The following SMARCA2 variants were observed in gnomAD, a reference collection of about 807,000 sequenced individuals.
The protein encoded by SMARCA2 is SWI/SNF-related matrix-associated actin-dependent regulator of chromatin subfamily A member 2.
Under a neutral mutation model 199.8 loss-of-function variants are expected in SMARCA2, and 61 were observed. The ratio of observed to expected loss-of-function variants is 0.31; its 90% CI spans 0.25 to 0.38. The LOEUF is 0.38. Ranked by LOEUF, SMARCA2 falls within the 10% of genes least tolerant of loss-of-function variation. The pLI, the probability that SMARCA2 is intolerant of heterozygous loss-of-function variation, is 1.00. For missense variants in SMARCA2, 1,344 were observed against 2,012.2 expected, an observed-to-expected ratio of 0.67 and a Z score of 6.35; for synonymous variants, 935 against 732.0, an observed-to-expected ratio of 1.28 and a Z score of -4.48.
intron 19 of SMARCA2, 85 bp from the exon 20 acceptor site, chr9:2,096,572 A>T: frequency 1.2e-6 from 1 of 821,122 alleles, no homozygotes; most frequent in Non-Finnish European, 2.1e-6. Context: ...TTGTGCTTCC[A>T]GGAGTGACAC....
intron 32 of SMARCA2, among the ~76,000 whole-genome samples, chr9:2,186,855 A>C (rs1326423445): frequency 9.3e-6 from 1 of 107,256 alleles, no homozygotes; most frequent in Non-Finnish European, 2.3e-5. Flanking sequence ...TTGCCTTTGA[A>C]TATTAGCCTA....
chr9:2,192,569 T>A, intron 33 of SMARCA2, 135 bp from the exon 34 acceptor site: 3 of 734,428 alleles, frequency 4.1e-6, no homozygotes, highest in Non-Finnish European at 7.5e-6. Flanking sequence ...GTTTCTGTCC[T>A]CCCACGGAAA....
At position 2,086,761 on chromosome 9, in the gene SMARCA2, C is replaced by T. The variant is rs948392651; in HGVS notation, c.2527-68C>T. The T allele has an allele frequency of 1.9e-6, 3 of 1,580,394 alleles. No individual in the cohort carries two copies. Among genetic ancestry groups the T allele is most frequent in the Admixed American group, 1.7e-5 (1 of 59,316 alleles). ...GGTTCTTTGGTTTTCCGCACCACCA[C>T]TTGCTTGTTGGAAATAGTTGTATTT... On this transcript the variant is annotated intron_variant, in intron 17 of 33. Coordinates refer to ENST00000349721, the MANE Select transcript of SMARCA2 (RefSeq NM_003070.5). The surrounding 1 kb of genome is among the most constrained non-coding windows in gnomAD (Gnocchi z 4.3).
chr9:2,192,765 G>C lies in SMARCA2; in HGVS notation c.*26G>C, dbSNP rs377168669. 2 of 1,565,658 alleles carry C rather than the reference G, an allele frequency of 1.3e-6. No individual in the cohort carries two copies. The highest frequency in any genetic ancestry group is 1.8e-6 in the Non-Finnish European group (2 of 1,136,104). ...TCAGTATGGACCTTTTTCCTTGGTA[G>C]AACTGAATTCCTTCCTCCCCTGTCT... On this transcript the variant is annotated 3_prime_UTR_variant, in exon 34 of 34. Transcript: ENST00000349721.
rs958237839 is a variant in SMARCA2 at position 2,056,443 on chromosome 9, G to A, written c.1174-229G>A. On this transcript the variant is annotated intron_variant, in intron 6 of 33. Coordinates refer to ENST00000349721, the MANE Select transcript of SMARCA2 (RefSeq NM_003070.5). This position sits in a 1 kb window ranked among gnomAD's most constrained non-coding sequence, Gnocchi z 4.0. The stretch of plus-strand genomic sequence containing the variant: ...CTTTTACTGTTACAGTACTATAATT[G>A]CTTTTGATTTGAATTATTTGGGGAG... Among the ~76,000 whole-genome samples the A allele has an allele frequency of 6.6e-6, 1 of 152,130 alleles. No individual in the cohort carries two copies. Among genetic ancestry groups the A allele is most frequent in the African/African-American group, 2.4e-5 (1 of 41,428 alleles).
At chr9:2,059,236 A>G (rs1820481386) in intron 8 of SMARCA2, among the ~76,000 whole-genome samples, 1 of 152,246 alleles carries the variant, frequency 6.6e-6, no homozygotes, top group South Asian at 2.1e-4. Flanking sequence ...ATGCCTGCAT[A>G]GATGAAGATA....
At chr9:2,130,739 G>A (rs927331177) in intron 27 of SMARCA2, among the ~76,000 whole-genome samples, 20 of 151,940 alleles carry the variant, frequency 1.3e-4, no homozygotes, top group African/African-American at 4.8e-4. Flanking sequence ...ATATATATAT[G>A]TATAATTGCG....
chr9:2,162,567 C>T (rs1007620281), intron 28 of SMARCA2, among the ~76,000 whole-genome samples: 1 of 152,162 alleles, frequency 6.6e-6, no homozygotes, highest in African/African-American at 2.4e-5. Flanking sequence ...CAGATCCATA[C>T]AGTAGATGAA....
intron 18 of SMARCA2, 178 bp downstream of exon 18, chr9:2,087,249 G>A (rs1681148341): frequency 2.9e-6 from 2 of 693,588 alleles, no homozygotes; most frequent in African/African-American, 1.8e-5. Context: ...CCCCTCCTAG[G>A]AAAATGGATC....
intron 23 of SMARCA2, among the ~76,000 whole-genome samples, chr9:2,109,739 C>T (rs538406424): frequency 6.6e-6 from 1 of 152,270 alleles, no homozygotes; most frequent in African/African-American, 2.4e-5. Context: ...ACCAACCAGA[C>T]CATACTTAGT....
intron 27 of SMARCA2, among the ~76,000 whole-genome samples, chr9:2,154,931 G>C (rs1825270650): frequency 1.3e-5 from 2 of 152,196 alleles, no homozygotes; most frequent in African/African-American, 4.8e-5. Flanking sequence ...GTTAAGAGTA[G>C]ATAGTAACTT....
Position 2,081,859 on chromosome 9 carries a change from C to T in SMARCA2, c.2212C>T (p.Leu738=), listed in dbSNP as rs376431348. 13 of 1,614,048 alleles carry T rather than the reference C, an allele frequency of 8.1e-6. No homozygotes were observed. The highest frequency in any genetic ancestry group is 2.7e-5 in the African/African-American group (2 of 75,008). Reference sequence around the variant, plus strand: ...CCAGGGCCTGGAATGGATGGTTTCCCTGTATAATAACAACTTGAACGGAAT... The same window carrying T: ...CCAGGGCCTGGAATGGATGGTTTCCTTGTATAATAACAACTTGAACGGAAT... The part of the protein sequence containing the change: ...QLQGLEWMVS[L]YNNNLNGILA... The change falls in exon 15 of 34, where the codon CTG becomes TTG. Residue 738 remains leucine (L), a synonymous_variant. Coordinates refer to ENST00000349721, the MANE Select transcript of SMARCA2 (RefSeq NM_003070.5).
chr9:2,015,550 G>C (rs1438869617), intron 1 of SMARCA2, 146 bp downstream of exon 1: 1 of 152,204 alleles, frequency 6.6e-6, no homozygotes, highest in Non-Finnish European at 1.5e-5. Flanking sequence ...GTGCATGCAA[G>C]GAGACCAAAA....
intron 27 of SMARCA2, chr9:2,160,277 T>G: frequency 2.5e-6 from 1 of 404,206 alleles, no homozygotes; most frequent in Non-Finnish European, 4.4e-6. Context: ...TTCATAGTGG[T>G]TATCTGAACA....
intron 31 of SMARCA2, 129 bp downstream of exon 31, chr9:2,182,371 T>C: frequency 1.6e-6 from 1 of 617,472 alleles, no homozygotes; most frequent in Non-Finnish European, 2.8e-6. Flanking sequence ...TAAAAGCCTA[T>C]GTTCCTTGCT....
chr9:2,191,143 C>A (rs923233747), intron 32 of SMARCA2, 123 bp from the exon 33 acceptor site: 1 of 925,524 alleles, frequency 1.1e-6, no homozygotes, highest in Admixed American at 2.0e-5. Context: ...AGGCATAAAC[C>A]GGGAATGTTC....
chr9:2,103,506 C>CT (rs1458329362), intron 22 of SMARCA2, among the ~76,000 whole-genome samples: 1 of 152,084 alleles, frequency 6.6e-6, no homozygotes, highest in Non-Finnish European at 1.5e-5. Flanking sequence ...ATATACATGG[C>CT]TAGCACTGTG....
chr9:2,107,425 C>G (rs1822805670), intron 23 of SMARCA2, among the ~76,000 whole-genome samples: 1 of 152,328 alleles, frequency 6.6e-6, no homozygotes, highest in African/African-American at 2.4e-5. Flanking sequence ...TCAAGCAATT[C>G]TTGTGCCCCA....
At position 2,119,967 on chromosome 9, in the gene SMARCA2, A is replaced by T. The variant is rs1304347211; in HGVS notation, c.3762+432A>T. 6.6e-6 allele frequency among the ~76,000 whole-genome samples: 1 copy of T among 152,220 alleles called. No individual in the cohort carries two copies. The highest frequency in any genetic ancestry group is 1.5e-5 in the Non-Finnish European group (1 of 68,036). ...TTCAGGAAGCCTACCTGGCTCCTAT[A>T]GGCATTGGAACTTACAACAGTGCCC... On this transcript the variant is annotated intron_variant, in intron 26 of 33. Transcript: ENST00000349721. The surrounding 1 kb of genome is among the most constrained non-coding windows in gnomAD (Gnocchi z 4.6).
Sources: allele counts gnomAD v4.1 joint callset (sites outside exome capture counted in the v4.1 genomes callset), GRCh38; gene constraint gnomAD v4.1.1; non-coding constraint Gnocchi (gnomAD v3.1); transcripts MANE v1.5; gene names NCBI Gene and HGNC (gene_info 2026-07-23, HGNC 2026-07-21).